The following SEBOX variants were observed in gnomAD, a reference collection of about 807,000 sequenced individuals.
SEBOX encodes the protein SEBOX homeobox.
In SEBOX, 10 loss-of-function variants were observed where a neutral mutation model predicts 7.8. The ratio of observed to expected loss-of-function variants is 1.28; its 90% confidence interval spans 0.79 to 2.17. The LOEUF (loss-of-function observed/expected upper bound fraction) is 2.17, where lower values mean the gene tolerates loss of function less well. Ranked by LOEUF, SEBOX falls within the 30% of genes most tolerant of loss-of-function variation. The probability of loss-of-function intolerance (pLI) is 0.00; values close to 1 mark genes in which losing one functional copy is unlikely to be tolerated. For synonymous variants in SEBOX, 98 were observed against 91.5 expected (o/e 1.07, Z -0.40); for missense variants, 240 against 239.5 (o/e 1.00, Z -0.01).
chr17:28,364,728 G>C, intron 2 of SEBOX, 67 bp downstream of exon 2: 2 of 1,596,704 alleles, frequency 1.3e-6, no homozygotes, highest in South Asian at 2.3e-5. Flanking sequence ...CTGAAGGCAG[G>C]CTACCCAGCG....
chr17:28,364,820 G>A lies in SEBOX; in HGVS notation c.167C>T (p.Thr56Ile). Residue 56 changes from threonine (T) to isoleucine (I), a missense_variant, in exon 2 of 3, where the codon ACT becomes ATT. Coordinates refer to ENST00000536498, the MANE Select transcript of SEBOX (RefSeq NM_001080837.4). ...CTGTACCTTGGCCTCAGGAAGGCAA[G>A]TGACCCAGGCCAGGTGCTCATGGGT... Reference protein sequence around the residue: ...ISTHEHLAWVTCLPEAKVQVW... With the variant: ...ISTHEHLAWVICLPEAKVQVW... 6.2e-7 allele frequency: 1 copy of A among 1,613,932 alleles called. No homozygotes were observed. The highest frequency in any genetic ancestry group is 1.1e-5 in the South Asian group (1 of 91,074).
At position 28,364,920 on chromosome 17, in the gene SEBOX, G is replaced by A. The variant is rs571305480; in HGVS notation, c.67C>T (p.Arg23Trp). The change falls in exon 2 of 3, where the codon CGG becomes TGG. Residue 23 changes from arginine (R) to tryptophan (W), a missense_variant. By Grantham distance (101) the Arg-to-Trp change is moderately radical. Transcript: ENST00000536498. ...GSGLGSHRRKRTTFSKGQLLE... is the reference protein window; with the variant it reads ...GSGLGSHRRKWTTFSKGQLLE... ...AGCTGCCCTTTGCTGAAGGTGGTCC[G>A]CTTTCTCCGGTGGGAACCCAACCCG... The A allele has an allele frequency of 3.0e-5, 49 of 1,613,070 alleles. 1 individual carries two copies. Among genetic ancestry groups the A allele is most frequent in the South Asian group, 2.0e-4 (18 of 90,898 alleles).
At position 28,364,231 on chromosome 17, in the gene SEBOX, G is replaced by C; in HGVS notation, c.*37C>G. On this transcript the variant is annotated 3_prime_UTR_variant, in exon 3 of 3. Transcript: ENST00000536498. ...CCAGGAGGGGCAGGGTGGGCCACAG[G>C]AGTCAGAGGAGGGGCCTTGCAAGTT... is the stretch of plus-strand genomic sequence containing the variant. 1 of 1,567,742 alleles carries C rather than the reference G, an allele frequency of 6.4e-7. No homozygotes were observed. The highest frequency in any genetic ancestry group is 8.7e-7 in the Non-Finnish European group (1 of 1,153,454).
Position 28,364,809 on chromosome 17 carries a change from C to T in SEBOX, c.178G>A (p.Glu60Lys). ...EHLAWVTCLP[E>K]AKVQVWFQKR... is the part of the protein sequence containing the mutation. ...TCACAGCTCACCTGTACCTTGGCCT[C>T]AGGAAGGCAAGTGACCCAGGCCAGG... Residue 60 changes from glutamate (E) to lysine (K), a missense_variant, in exon 2 of 3, where the codon GAG becomes AAG. Physicochemically the swap from Glu to Lys is moderately conservative, Grantham distance 56. Transcript: ENST00000536498. 1 of 1,613,912 alleles carries T rather than the reference C, an allele frequency of 6.2e-7. No individual in the cohort carries two copies. Among genetic ancestry groups the T allele is most frequent in the Non-Finnish European group, 8.5e-7 (1 of 1,179,850 alleles).
At position 28,364,472 on chromosome 17, in the gene SEBOX, T is replaced by C. The variant is rs1228895906; in HGVS notation, c.369A>G (p.Ser123=). ...CTGGACAGGAGCTATGTCGACACAC[T>C]GAGGTGCGCTGAGGTGTGCCGCTGG... ...PPSSGTPQRT[S]VCRHSSCPAP... The change falls in exon 3 of 3, where the codon TCA becomes TCG. Residue 123 remains serine (S), a synonymous_variant. Coordinates refer to ENST00000536498, the MANE Select transcript of SEBOX (RefSeq NM_001080837.4). 1.2e-6 allele frequency: 2 copies of C among 1,602,426 alleles called. No homozygotes were observed. The highest frequency in any genetic ancestry group is 1.7e-6 in the Non-Finnish European group (2 of 1,171,762).
Position 28,365,125 on chromosome 17 carries a change from T to A in SEBOX, c.27A>T (p.Ser9=). MPSPVDAS[S]ADGGSGLGSH... ...ACACTTCCCCCATCAGATCACCTGC[T>A]GAGGATGCATCCACAGGGCTGGGCA... Residue 9 remains serine (S), a synonymous_variant, in exon 1 of 3, where the codon TCA becomes TCT. Transcript: ENST00000536498. 6.2e-7 allele frequency: 1 copy of A among 1,609,344 alleles called. No homozygotes were observed. The highest frequency in any genetic ancestry group is 8.5e-7 in the Non-Finnish European group (1 of 1,177,608).
chr17:28,364,738 G>C (rs2277668), intron 2 of SEBOX, 57 bp downstream of exon 2: 147,496 of 1,603,718 alleles, frequency 0.092, 7,930 homozygotes, highest in East Asian at 0.2. Context: ...GCTACCCAGC[G>C]AAGGGGCTGT....
intron 1 of SEBOX, 37 bp downstream of exon 1, chr17:28,365,084 C>G (rs199716260): frequency 6.3e-7 from 1 of 1,587,824 alleles, no homozygotes; most frequent in East Asian, 2.3e-5. Flanking sequence ...CCATGGCCTG[C>G]GTTCTCACCC....
In SEBOX at chr17:28,364,915, G is replaced by C. The variant is rs782028918; in HGVS notation, c.72C>G (p.Thr24=). Residue 24 remains threonine (T), a synonymous_variant, in exon 2 of 3, where the codon ACC becomes ACG. Coordinates refer to ENST00000536498, the MANE Select transcript of SEBOX (RefSeq NM_001080837.4). ...SGLGSHRRKR[T]TFSKGQLLEL... ...CCAGTAGCTGCCCTTTGCTGAAGGTGGTCCGCTTTCTCCGGTGGGAACCCA... is the reference window on the plus strand; with the variant it reads ...CCAGTAGCTGCCCTTTGCTGAAGGTCGTCCGCTTTCTCCGGTGGGAACCCA... 4.4e-5 allele frequency: 71 copies of C among 1,613,380 alleles called. No homozygotes were observed. In the South Asian group the frequency reaches 7.0e-4, roughly 16 times the overall value.
rs1297617603 is a variant in SEBOX at position 28,363,691 on chromosome 17, A to G, written c.*577T>C. The G allele has an allele frequency of 1.3e-5, 2 of 152,136 alleles. No homozygotes were observed. The highest frequency in any genetic ancestry group is 1.5e-5 in the Non-Finnish European group (1 of 68,050). The allele number at this position is 152,136 out of a possible 1,614,324, so 9.4% of individuals were successfully genotyped here. A position where few individuals can be genotyped will look rare whatever the true frequency, so the allele number is the denominator to read the frequency against. Reference sequence around the variant, plus strand: ...AAATCAACATAAGCCCCAGCTTCCTATCTTTGCTTCATTACTTTAATGCCA... The same window carrying G: ...AAATCAACATAAGCCCCAGCTTCCTGTCTTTGCTTCATTACTTTAATGCCA... On this transcript the variant is annotated 3_prime_UTR_variant, in exon 3 of 3. Transcript: ENST00000536498.
rs1374350977 is a variant in SEBOX at position 28,364,037 on chromosome 17, G to T, written c.*231C>A. 1.3e-5 allele frequency among the ~76,000 whole-genome samples: 2 copies of T among 152,210 alleles called. No homozygotes were observed. The highest frequency in any genetic ancestry group is 1.3e-4 in the Admixed American group (2 of 15,284). On this transcript the variant is annotated 3_prime_UTR_variant, in exon 3 of 3. Transcript: ENST00000536498. ...AACAATGAGCATATGCCCCAAAGGG[G>T]TCAGGGTGTGGGGTGGCAGGAGCCA...
rs781809251 is a variant in SEBOX, at chr17:28,364,262, C to G, written c.*6G>C. 4.4e-6 allele frequency: 7 copies of G among 1,597,392 alleles called. No homozygotes were observed. The highest frequency in any genetic ancestry group is 1.7e-4 in the Middle Eastern group (1 of 6,030). On this transcript the variant is annotated 3_prime_UTR_variant, in exon 3 of 3. Transcript: ENST00000536498. ...GAGGAGGGGCCTTGCAAGTTCTGGA[C>G]AAAGACTAGGAGTGGTCCACATTGA...
chr17:28,364,715 A>G, intron 2 of SEBOX, 67 bp from the exon 3 acceptor site: 1 of 1,588,082 alleles, frequency 6.3e-7, no homozygotes, highest in South Asian at 1.2e-5. Flanking sequence ...CAGGGGAAAC[A>G]ACCTGAAGGC....
rs373251825 is a variant in SEBOX, at chr17:28,364,477, T to C, written c.364A>G (p.Thr122Ala). Residue 122 changes from threonine to alanine, a missense_variant, in exon 3 of 3, where the codon ACC (threonine) becomes GCC (alanine). Thr to Ala is a moderately conservative substitution (Grantham distance 58). Transcript: ENST00000536498. ...PPPSSGTPQR[T>A]SVCRHSSCPA... is the part of the protein sequence containing the mutation. ...CAGGAGCTATGTCGACACACTGAGG[T>C]GCGCTGAGGTGTGCCGCTGGAGGGT... The C allele has an allele frequency of 2.5e-6, 4 of 1,603,696 alleles. No homozygotes were observed. In the African/African-American group the frequency reaches 5.4e-5, roughly 21 times the overall value.
In SEBOX at chr17:28,364,963, C is replaced by A. The variant is rs782208189; in HGVS notation, c.32-8G>T. 1 of 1,607,092 alleles carries A rather than the reference C, an allele frequency of 6.2e-7. No homozygotes were observed. Among genetic ancestry groups the A allele is most frequent in the South Asian group, 1.1e-5 (1 of 90,026 alleles). ...CCAACCCGCTGCCACCGTCTGCAGG[C>A]CATGGTGGGGGTCAAGCTGGGACTC... On this transcript the variant is annotated splice_region_variant and splice_polypyrimidine_tract_variant and intron_variant, in intron 1 of 2. Transcript: ENST00000536498.
At position 28,364,610 on chromosome 17, in the gene SEBOX, G is replaced by GATTA. The variant is rs1555582712; in HGVS notation, c.230_231insTAAT (p.Arg78AsnfsTer12). 6.5e-7 allele frequency: 1 copy of GATTA among 1,547,096 alleles called. No homozygotes were observed. The highest frequency in any genetic ancestry group is 1.3e-5 in the South Asian group (1 of 79,226). ...CAGGGCTTAGAATTCCTGACTTCCT[G>GATTA]TTCTTGATTATTTTGGCCCAGCGCT... On this transcript the variant is annotated frameshift_variant, in exon 3 of 3. Transcript: ENST00000536498. LOFTEE classifies it low-confidence loss of function (END_TRUNC).
rs890162661 is a variant in SEBOX at position 28,364,020 on chromosome 17, G to A, written c.*248C>T. Among the ~76,000 whole-genome samples the A allele has an allele frequency of 1.3e-5, 2 of 152,320 alleles. No homozygotes were observed. The highest frequency in any genetic ancestry group is 4.8e-5 in the African/African-American group (2 of 41,576). On this transcript the variant is annotated 3_prime_UTR_variant, in exon 3 of 3. Coordinates refer to ENST00000536498, the MANE Select transcript of SEBOX (RefSeq NM_001080837.4). ...AAGGTACCACCTGCCACAACAATGA[G>A]CATATGCCCCAAAGGGGTCAGGGTG...
intron 1 of SEBOX, 52 bp from the exon 2 acceptor site, chr17:28,365,007 C>G: frequency 6.3e-7 from 1 of 1,586,020 alleles, no homozygotes; most frequent in South Asian, 1.1e-5. Flanking sequence ...AGCCTCCACC[C>G]AGCCTCAAAG....
At chr17:28,364,768 G>A (rs1555582754) in intron 2 of SEBOX, 27 bp downstream of exon 2, 1 of 1,612,936 alleles carries the variant, frequency 6.2e-7, no homozygotes, top group Non-Finnish European at 8.5e-7. Flanking sequence ...CTAGATGTTG[G>A]CTGTGTGAGA....
Sources: allele counts gnomAD v4.1 joint callset (sites outside exome capture counted in the v4.1 genomes callset), GRCh38; gene constraint gnomAD v4.1.1; transcripts MANE v1.5; gene names NCBI Gene and HGNC (gene_info 2026-07-23, HGNC 2026-07-21).